Variants in TRPC1 observed in about 807,000 individuals in gnomAD.
The protein encoded by TRPC1 is transient receptor potential cation channel subfamily C member 1, also known as short transient receptor potential channel 1.
Under a neutral mutation model 88.2 loss-of-function variants are expected in TRPC1, and 42 were observed. That is an observed-to-expected ratio of 0.48 (90% CI 0.37 to 0.62). The LOEUF is 0.62. Among genes scored for constraint, TRPC1 ranks in the 20% least tolerant of loss-of-function variants. TRPC1 has a pLI of 0.00. For missense variants in TRPC1, 699 were observed against 957.3 expected, an observed-to-expected ratio of 0.73 and a Z score of 3.56; for synonymous variants, 288 against 331.8, an observed-to-expected ratio of 0.87 and a Z score of 1.43.
intron 3 of TRPC1, among the ~76,000 whole-genome samples, chr3:142,745,637 C>T (rs1333278443): frequency 6.6e-6 from 1 of 152,016 alleles, no homozygotes; most frequent in East Asian, 1.9e-4. Context: ...GAGCAAAACT[C>T]TTCTAAAACA....
Position 142,806,671 on chromosome 3 carries a change from A to G in TRPC1, c.*436A>G, listed in dbSNP as rs1301027585. The G allele has an allele frequency of 6.6e-6, 1 of 152,492 alleles. No homozygotes were observed. The highest frequency in any genetic ancestry group is 6.5e-5 in the Admixed American group (1 of 15,322). The allele number at this position is 152,492 out of a possible 1,614,324, so 9.4% of individuals were successfully genotyped here. ...ATATCTCTGTTTTAGGAGTTCACAT[A>G]TAGTTCAGCATTTATTGTTTAGGAG... On this transcript the variant is annotated 3_prime_UTR_variant, in exon 13 of 13. Transcript: ENST00000476941.
rs1577930949 is a variant in TRPC1 at position 142,724,087 on chromosome 3, C to G, written c.-473C>G. On this transcript the variant is annotated 5_prime_UTR_variant, in exon 1 of 13. Coordinates refer to ENST00000476941, the MANE Select transcript of TRPC1 (RefSeq NM_001251845.2). This position sits in a 1 kb window ranked among gnomAD's most constrained non-coding sequence, Gnocchi z 5.6. ...GAGGACAGAGTCGCGAACATCTCCT[C>G]GGAGCGCAGCTGGGCCAGCGGTTCC... 1 of 152,296 alleles carries G rather than the reference C, an allele frequency of 6.6e-6. No homozygotes were observed. Among genetic ancestry groups the G allele is most frequent in the African/African-American group, 2.4e-5 (1 of 41,518 alleles). 9.4% of individuals were successfully genotyped at this position (152,296 alleles called of 1,614,324 possible). A position where few individuals can be genotyped will look rare whatever the true frequency, so the allele number is the denominator to read the frequency against.
At chr3:142,754,738 G>A (rs1934898344) in intron 4 of TRPC1, among the ~76,000 whole-genome samples, 1 of 152,088 alleles carries the variant, frequency 6.6e-6, no homozygotes, top group Non-Finnish European at 1.5e-5. Flanking sequence ...GATGTTGGCT[G>A]GGGTCATGTT....
intron 4 of TRPC1, among the ~76,000 whole-genome samples, chr3:142,773,739 GTTAT>G (rs776607594): frequency 9.5e-5 from 14 of 147,404 alleles, no homozygotes; most frequent in Non-Finnish European, 1.3e-4. Flanking sequence ...GCTTGTTATT[GTTAT>G]TTATTTGTTT....
chr3:142,760,125 C>T (rs1419046175), intron 4 of TRPC1, among the ~76,000 whole-genome samples: 1 of 152,154 alleles, frequency 6.6e-6, no homozygotes, highest in Non-Finnish European at 1.5e-5. Flanking sequence ...TGTGCCCGGC[C>T]TTGTCTGTGC....
chr3:142,732,799 T>A (rs1352731460), intron 1 of TRPC1, among the ~76,000 whole-genome samples: 1 of 152,222 alleles, frequency 6.6e-6, no homozygotes, highest in Non-Finnish European at 1.5e-5. Context: ...ATGTAACTCT[T>A]GAAAGCAACT....
chr3:142,743,791 T>G (rs1934438339), intron 3 of TRPC1, among the ~76,000 whole-genome samples: 1 of 152,144 alleles, frequency 6.6e-6, no homozygotes, highest in Admixed American at 6.6e-5. Flanking sequence ...AGTTGATATT[T>G]CCATAATTTT....
chr3:142,724,129 AACGTGCGC>A lies in TRPC1; in HGVS notation c.-429_-422del, dbSNP rs1933538243. On this transcript the variant is annotated 5_prime_UTR_variant, in exon 1 of 13. Transcript: ENST00000476941. This position sits in a 1 kb window ranked among gnomAD's most constrained non-coding sequence, Gnocchi z 5.6. ...AGCGGTTCCCACAGCCCTGGAGCCC[AACGTGCGC>A]AGAAGCGCCTCTTGGAGCTCCTCTC... 6.6e-6 allele frequency: 1 copy of A among 152,332 alleles called. No individual in the cohort carries two copies. Among genetic ancestry groups the A allele is most frequent in the African/African-American group, 2.4e-5 (1 of 41,444 alleles). The allele number at this position is 152,332 out of a possible 1,614,324, so 9.4% of individuals were successfully genotyped here. A position where few individuals can be genotyped will look rare whatever the true frequency, so the allele number is the denominator to read the frequency against.
At chr3:142,805,129 T>TATAC (rs1409489071) in intron 12 of TRPC1, among the ~76,000 whole-genome samples, 19 of 95,320 alleles carry the variant, frequency 2.0e-4, no homozygotes, top group East Asian at 1.2e-3. Flanking sequence ...AATATATATA[T>TATAC]ACACACACAC....
intron 8 of TRPC1, 122 bp downstream of exon 8, chr3:142,791,280 T>A: frequency 2.4e-6 from 2 of 840,558 alleles, no homozygotes; most frequent in Non-Finnish European, 3.5e-6. Flanking sequence ...GTTTTCATTT[T>A]AAGCCTATCT....
chr3:142,762,428 ATTTTTTT>A (rs755194552), intron 4 of TRPC1, among the ~76,000 whole-genome samples: 1 of 103,660 alleles, frequency 9.6e-6, no homozygotes, highest in Non-Finnish European at 1.9e-5. Flanking sequence ...TTTATTCTTG[ATTTTTTT>A]TTTTTTTTTT....
At chr3:142,805,951 C>T in intron 12 of TRPC1, 57 bp from the exon 13 acceptor site, 1 of 1,487,650 alleles carries the variant, frequency 6.7e-7, no homozygotes, top group Non-Finnish European at 9.2e-7. Flanking sequence ...TTTTTGAACT[C>T]TACCTCATTT....
intron 4 of TRPC1, among the ~76,000 whole-genome samples, chr3:142,772,786 C>G (rs75657308): frequency 6.7e-6 from 1 of 150,216 alleles, no homozygotes; most frequent in East Asian, 1.9e-4. Context: ...GACTCCATCT[C>G]AAAAAAAAAC....
intron 9 of TRPC1, among the ~76,000 whole-genome samples, chr3:142,795,290 T>G (rs1430008641): frequency 6.6e-6 from 1 of 151,786 alleles, no homozygotes; most frequent in Non-Finnish European, 1.5e-5. Flanking sequence ...ACCAAAAAAA[T>G]TTTTTAAGAA....
chr3:142,727,793 T>G (rs551741984), intron 1 of TRPC1, among the ~76,000 whole-genome samples: 4 of 152,284 alleles, frequency 2.6e-5, no homozygotes. Context: ...AATATGTTGT[T>G]TTATGAAAAA....
intron 7 of TRPC1, among the ~76,000 whole-genome samples, chr3:142,787,457 GA>G (rs142631686): frequency 6.6e-6 from 1 of 152,026 alleles, no homozygotes; most frequent in East Asian, 1.9e-4. Context: ...TAGCTTTTCA[GA>G]AAAAAGTAAG....
intron 4 of TRPC1, among the ~76,000 whole-genome samples, chr3:142,768,624 T>A (rs1243268053): frequency 2.0e-5 from 3 of 152,146 alleles, no homozygotes; most frequent in Non-Finnish European, 2.9e-5. Context: ...TATTTTGCCA[T>A]TTGCTTTCTG....
chr3:142,774,861 T>C (rs1553805505), intron 4 of TRPC1, among the ~76,000 whole-genome samples: 1 of 152,230 alleles, frequency 6.6e-6, no homozygotes, highest in Non-Finnish European at 1.5e-5. Flanking sequence ...ACAATGGTGC[T>C]TCATTATAAG....
intron 7 of TRPC1, among the ~76,000 whole-genome samples, chr3:142,787,030 T>C (rs1936154434): frequency 6.6e-6 from 1 of 152,214 alleles, no homozygotes; most frequent in Non-Finnish European, 1.5e-5. Context: ...TCTTCCCTTT[T>C]ATATGATGCT....
Sources: gnomAD v4.1 joint callset for allele counts (sites outside exome capture counted in the v4.1 genomes callset) on GRCh38, gnomAD v4.1.1 for gene constraint, Gnocchi (gnomAD v3.1) non-coding constraint, MANE v1.5 for transcripts, NCBI Gene and HGNC (gene_info 2026-07-23, HGNC 2026-07-21) for gene names.